The following SLC43A2 variants were observed in gnomAD, a reference collection of about 807,000 sequenced individuals.
SLC43A2 encodes solute carrier family 43 member 2, also known as large neutral amino acids transporter small subunit 4.
Under a neutral mutation model 63.2 loss-of-function variants are expected in SLC43A2, and 38 were observed. The ratio of observed to expected loss-of-function variants is 0.60; its 90% CI spans 0.46 to 0.79. The LOEUF is 0.79. Ranked by LOEUF, SLC43A2 falls within the 30% of genes least tolerant of loss-of-function variation. The pLI, the probability that SLC43A2 is intolerant of heterozygous loss-of-function variation, is 0.00. For synonymous variants in SLC43A2, 322 were observed against 331.0 expected (o/e 0.97, Z 0.30); for missense variants, 644 against 756.2 (o/e 0.85, Z 1.74).
Position 1,583,553 on chromosome 17 carries a change from T to C in SLC43A2, c.1218-217A>G. 1 of 688,932 alleles carries C rather than the reference T, an allele frequency of 1.5e-6. No individual in the cohort carries two copies. Among genetic ancestry groups the C allele is most frequent in the Non-Finnish European group, 2.3e-6 (1 of 432,258 alleles). The allele number at this position is 688,932 out of a possible 1,614,324, so 42.7% of individuals were successfully genotyped here. ...CTGAGTGTGACTCTCGGAGGGGGTC[T>C]CGGGTACAAGAAGATGGCCATCCAT... On this transcript the variant is annotated intron_variant, in intron 10 of 13. Transcript: ENST00000301335. The surrounding 1 kb of genome is among the most constrained non-coding windows in gnomAD (Gnocchi z 5.5).
At chr17:1,604,746 C>T in intron 5 of SLC43A2, 1 of 1,535,858 alleles carries the variant, frequency 6.5e-7, no homozygotes. Flanking sequence ...TCACCTCCTG[C>T]TGTTGCCTTC....
chr17:1,594,783 T>G (rs1298748253), intron 5 of SLC43A2, among the ~76,000 whole-genome samples: 18 of 147,266 alleles, frequency 1.2e-4, no homozygotes, highest in Non-Finnish European at 1.5e-4. Flanking sequence ...AGAGACGGGG[T>G]TTCACCACGT....
chr17:1,629,261 C>G (rs1046659390), upstream of SLC43A2, among the ~76,000 whole-genome samples: 36 of 152,148 alleles, frequency 2.4e-4, no homozygotes, highest in African/African-American at 8.7e-4. Flanking sequence ...CCCCTGCGCG[C>G]GGGTCACCAC....
chr17:1,627,652 A>ACCCCCCCCCCCCCCAACCC, intron 2 of SLC43A2, 63 bp downstream of exon 2: 1 of 227,124 alleles, frequency 4.4e-6, no homozygotes, highest in Non-Finnish European at 8.5e-6. Context: ...CTTCGCCCCC[A>ACCCCCCCCCCCCCCAACCC]TCCCGCCCCC....
chr17:1,622,290 G>A (rs1278104397), intron 2 of SLC43A2, among the ~76,000 whole-genome samples: 1 of 152,266 alleles, frequency 6.6e-6, no homozygotes, highest in Non-Finnish European at 1.5e-5. Flanking sequence ...CCGGCTGGGC[G>A]CGGTGGCTCA....
intron 9 of SLC43A2, among the ~76,000 whole-genome samples, chr17:1,588,834 G>A (rs1904472101): frequency 6.6e-6 from 1 of 152,186 alleles, no homozygotes; most frequent in Non-Finnish European, 1.5e-5. Flanking sequence ...ACCGGTCAGC[G>A]GCAAGGCCTG....
intron 2 of SLC43A2, among the ~76,000 whole-genome samples, chr17:1,617,483 C>T (rs1283836779): frequency 3.3e-5 from 5 of 152,234 alleles, no homozygotes; most frequent in Admixed American, 6.5e-5. Context: ...CTCCGCCTCC[C>T]GGGTTCAAGC....
rs1278484657 is a variant in SLC43A2 at position 1,619,779 on chromosome 17, G to T, written c.161-3010C>A. 3.3e-5 allele frequency among the ~76,000 whole-genome samples: 5 copies of T among 152,348 alleles called. No individual in the cohort carries two copies. The East Asian group carries it at 9.6e-4, about 29-fold the overall frequency. On this transcript the variant is annotated intron_variant, in intron 2 of 13. Coordinates refer to ENST00000301335, the MANE Select transcript of SLC43A2 (RefSeq NM_152346.3). ...ACAGCCATTTCCAGGTTGACATGCA[G>T]ATAGGAGCAAACCAGCACAGAGGTG...
In SLC43A2 at chr17:1,571,877, G is replaced by C. The variant is rs1247145047; in HGVS notation, c.*3727C>G. On this transcript the variant is annotated 3_prime_UTR_variant, in exon 14 of 14. Coordinates refer to ENST00000301335, the MANE Select transcript of SLC43A2 (RefSeq NM_152346.3). The surrounding 1 kb of genome is among the most constrained non-coding windows in gnomAD (Gnocchi z 5.2). ...TAGACCCCAGAGTCTAGTGAGGAGA[G>C]GGACTGGGGGCAGTGTTTCGGCAGC... The C allele has an allele frequency of 6.6e-6, 1 of 152,206 alleles. No individual in the cohort carries two copies. Among genetic ancestry groups the C allele is most frequent in the Non-Finnish European group, 1.5e-5 (1 of 68,130 alleles). 9.4% of individuals were successfully genotyped at this position (152,206 alleles called of 1,614,324 possible).
At chr17:1,586,928 T>TGGGGGGGG in intron 9 of SLC43A2, 2 of 1,232,916 alleles carry the variant, frequency 1.6e-6, no homozygotes, top group Non-Finnish European at 2.2e-6. Context: ...TCCCTGACAA[T>TGGGGGGGG]CCCCCCCACC....
At chr17:1,618,942 C>T (rs1907916619) in intron 2 of SLC43A2, among the ~76,000 whole-genome samples, 1 of 152,060 alleles carries the variant, frequency 6.6e-6, no homozygotes, top group African/African-American at 2.4e-5. Flanking sequence ...CAAGATCACA[C>T]ACCACTGCAC....
intron 5 of SLC43A2, among the ~76,000 whole-genome samples, chr17:1,600,562 T>G (rs571135869): frequency 7.1e-6 from 1 of 140,260 alleles, no homozygotes; most frequent in South Asian, 2.4e-4. Context: ...TTTTTTTTTT[T>G]TTTTTTTTGG....
At chr17:1,591,212 G>C in intron 8 of SLC43A2, 57 bp downstream of exon 8, 1 of 1,576,992 alleles carries the variant, frequency 6.3e-7, no homozygotes. Flanking sequence ...AATGGGGTGA[G>C]CCGATACCCA....
intron 9 of SLC43A2, 98 bp downstream of exon 9, chr17:1,590,704 C>G: frequency 1.4e-6 from 2 of 1,467,200 alleles, no homozygotes; most frequent in South Asian, 2.6e-5. Flanking sequence ...TTCCATGGCC[C>G]GGCTGGCCCG....
At chr17:1,627,954 T>A (rs1184964146) in intron 1 of SLC43A2, 34 bp from the exon 2 acceptor site, 13 of 1,341,308 alleles carry the variant, frequency 9.7e-6, no homozygotes, top group Non-Finnish European at 1.2e-5. Context: ...CGGCCGGCCC[T>A]TGCCCAGCCC....
At chr17:1,608,838 G>T (rs1906849970) in intron 5 of SLC43A2, among the ~76,000 whole-genome samples, 1 of 152,164 alleles carries the variant, frequency 6.6e-6, no homozygotes, top group Admixed American at 6.5e-5. Context: ...CTCTCCTGAA[G>T]CTTACTCATG....
At position 1,585,903 on chromosome 17, in the gene SLC43A2, G is replaced by A. The variant is rs1312132863; in HGVS notation, c.1217+10C>T. The A allele has an allele frequency of 1.9e-6, 3 of 1,613,542 alleles. No homozygotes were observed. The highest frequency in any genetic ancestry group is 2.5e-6 in the Non-Finnish European group (3 of 1,180,002). ...GGCTGGGAGCCGGGGCACCGGCCCT[G>A]CCTACGCACTGGTTGGCGTCTTTCT... On this transcript the variant is annotated intron_variant, in intron 10 of 13. Coordinates refer to ENST00000301335, the MANE Select transcript of SLC43A2 (RefSeq NM_152346.3).
At chr17:1,587,019 T>C in intron 9 of SLC43A2, 1 of 1,408,988 alleles carries the variant, frequency 7.1e-7, no homozygotes, top group Non-Finnish European at 9.4e-7. Context: ...GGCAGAAATC[T>C]CAGTGCTACA....
At chr17:1,622,380 G>A (rs914158847) in intron 2 of SLC43A2, among the ~76,000 whole-genome samples, 3 of 151,178 alleles carry the variant, frequency 2.0e-5, no homozygotes, top group Non-Finnish European at 4.4e-5. Flanking sequence ...TGGCTAACAC[G>A]GTGAAACCCC....
Sources: gnomAD v4.1 joint callset for allele counts (sites outside exome capture counted in the v4.1 genomes callset) on GRCh38, gnomAD v4.1.1 for gene constraint, Gnocchi (gnomAD v3.1) non-coding constraint, MANE v1.5 for transcripts, NCBI Gene and HGNC (gene_info 2026-07-23, HGNC 2026-07-21) for gene names.